RYR3: variants seen among roughly 807,000 people sequenced by gnomAD.
RYR3 encodes ryanodine receptor 3.
In RYR3, 207 loss-of-function variants were observed where a neutral mutation model predicts 584.3. The observed-to-expected ratio is 0.35, with a 90% CI of 0.32 to 0.40. RYR3 has a LOEUF of 0.40. RYR3 is among the 10% of genes least tolerant of loss of function. The pLI is 1.00. For missense variants in RYR3, 5,616 were observed against 6,089.2 expected (o/e 0.92, Z 2.59); for synonymous variants, 2,416 against 2,248.5 (o/e 1.07, Z -2.11).
At chr15:33,447,058 C>T (rs577956128) in intron 1 of RYR3, among the ~76,000 whole-genome samples, 1 of 152,234 alleles carries the variant, frequency 6.6e-6, no homozygotes, top group Non-Finnish European at 1.5e-5. Context: ...ATTAGAATGA[C>T]AGAAATGAGG....
At chr15:33,639,978 C>A (rs1595928513) in intron 27 of RYR3, among the ~76,000 whole-genome samples, 3 of 152,084 alleles carry the variant, frequency 2.0e-5, no homozygotes, top group African/African-American at 7.2e-5. Flanking sequence ...TCTGCTAGAC[C>A]TCAGAATGCG....
chr15:33,379,169 A>G (rs1255513132), intron 1 of RYR3, among the ~76,000 whole-genome samples: 4 of 152,202 alleles, frequency 2.6e-5, no homozygotes, highest in African/African-American at 9.7e-5. Flanking sequence ...AATGAGTACA[A>G]GCAGTTCTGG....
intron 2 of RYR3, among the ~76,000 whole-genome samples, chr15:33,484,730 G>C (rs1420656958): frequency 2.6e-5 from 4 of 152,156 alleles, no homozygotes; most frequent in Admixed American, 2.0e-4. Context: ...ACATATCATT[G>C]AGTGAAATAG....
intron 85 of RYR3, among the ~76,000 whole-genome samples, chr15:33,829,980 C>T (rs73372057): frequency 0.018 from 2,769 of 152,240 alleles, 84 homozygotes; most frequent in African/African-American, 0.063. Context: ...CTTTGACAAA[C>T]GAAGAGTTTC....
chr15:33,716,498 C>T (rs2067503552), intron 43 of RYR3, among the ~76,000 whole-genome samples: 1 of 152,160 alleles, frequency 6.6e-6, no homozygotes, highest in Non-Finnish European at 1.5e-5. Context: ...GTGCCTCCAT[C>T]TGTAAAAATT....
intron 60 of RYR3, among the ~76,000 whole-genome samples, chr15:33,767,174 T>G (rs1049678960): frequency 6.6e-6 from 1 of 152,160 alleles, no homozygotes; most frequent in African/African-American, 2.4e-5. Flanking sequence ...CTATGATGAC[T>G]CTCTACAGTG....
At chr15:33,349,370 G>T (rs141475764) in intron 1 of RYR3, among the ~76,000 whole-genome samples, 71 of 152,124 alleles carry the variant, frequency 4.7e-4, no homozygotes, top group African/African-American at 1.6e-3. Context: ...CTTCCAAAGT[G>T]GCTGCACCAT....
chr15:33,841,943 A>G lies in RYR3; in HGVS notation c.13117A>G (p.Lys4373Glu). Residue 4373 changes from lysine (K) to glutamate (E), a missense_variant, in exon 91 of 104, where the codon AAG (lysine) becomes GAG (glutamate). Lys to Glu is a moderately conservative substitution (Grantham distance 56). Around this residue, in one of 9 missense-constraint regions of RYR3, gnomAD observed 918 missense variants for 887.4 expected, o/e 1.03. Transcript: ENST00000634891. ...CCTGTGGACAGAAGTGACAAAAAAG[A>G]AGAAGCGGCGGTGTGGTCAGAAGGT... Reference protein sequence around the residue: ...EYLWTEVTKKKKRRCGQKVEK... With the variant: ...EYLWTEVTKKEKRRCGQKVEK... 1 of 1,601,226 alleles carries G rather than the reference A, an allele frequency of 6.2e-7. No individual in the cohort carries two copies. Among genetic ancestry groups the G allele is most frequent in the East Asian group, 2.2e-5 (1 of 44,564 alleles).
intron 16 of RYR3, among the ~76,000 whole-genome samples, chr15:33,598,012 A>G (rs1312944490): frequency 6.6e-6 from 1 of 152,028 alleles, no homozygotes; most frequent in African/African-American, 2.4e-5. Context: ...AAGGGAAACA[A>G]CTCAAGTGAA....
At chr15:33,725,898 A>G (rs998991856) in intron 45 of RYR3, among the ~76,000 whole-genome samples, 1 of 134,362 alleles carries the variant, frequency 7.4e-6, no homozygotes, top group African/African-American at 2.7e-5. Context: ...TGAACCTGGG[A>G]GGCGGAGCTT....
intron 56 of RYR3, 44 bp from the exon 57 acceptor site, chr15:33,750,119 G>A (rs996567683): frequency 1.9e-6 from 3 of 1,607,580 alleles, no homozygotes; most frequent in Non-Finnish European, 2.5e-6. Flanking sequence ...TCCCAGAAGT[G>A]CAAAGGAAGA....
intron 54 of RYR3, 60 bp from the exon 55 acceptor site, chr15:33,748,408 A>G: frequency 6.4e-7 from 1 of 1,564,148 alleles, no homozygotes; most frequent in Non-Finnish European, 8.8e-7. Context: ...GAAGTTGGGG[A>G]TGCCTGATAA....
At chr15:33,632,475 T>C (rs2061318812) in intron 23 of RYR3, among the ~76,000 whole-genome samples, 1 of 152,254 alleles carries the variant, frequency 6.6e-6, no homozygotes, top group Non-Finnish European at 1.5e-5. Flanking sequence ...ATCATTCTTT[T>C]TTTAATTCCA....
chr15:33,445,066 A>T (rs922730986), intron 1 of RYR3, among the ~76,000 whole-genome samples: 5 of 152,176 alleles, frequency 3.3e-5, no homozygotes, highest in African/African-American at 1.2e-4. Flanking sequence ...TATTTAGCAG[A>T]AGAGTGGTAT....
At position 33,660,446 on chromosome 15, in the gene RYR3, AAGGGGCAGGCCTG is replaced by A. The variant is rs1172148005; in HGVS notation, c.4622+33_4622+45del. The A allele has an allele frequency of 3.3e-6, 5 of 1,507,040 alleles. No individual in the cohort carries two copies. In the Admixed American group the frequency reaches 6.1e-5, roughly 18 times the overall value. The allele number at this position is 1,507,040 out of a possible 1,614,324, so 93.4% of individuals were successfully genotyped here. A position where few individuals can be genotyped will look rare whatever the true frequency, so the allele number is the denominator to read the frequency against. On this transcript the variant is annotated intron_variant, in intron 34 of 103. Transcript: ENST00000634891. ...CAGGTACCAGAGGGGCCCGCGAAGG[AAGGGGCAGGCCTG>A]AGGGGCAGGTGAGGCAGAGCCAAGC... is the stretch of plus-strand genomic sequence containing the variant.
At chr15:33,847,860 T>C (rs1399475741) in intron 93 of RYR3, among the ~76,000 whole-genome samples, 1 of 152,202 alleles carries the variant, frequency 6.6e-6, no homozygotes, top group Non-Finnish European at 1.5e-5. Flanking sequence ...GCCCTGTACA[T>C]TGAAGGGAGT....
chr15:33,765,862 A>G (rs1567126875), intron 60 of RYR3, among the ~76,000 whole-genome samples: 1 of 152,214 alleles, frequency 6.6e-6, no homozygotes, highest in Non-Finnish European at 1.5e-5. Context: ...GTGAAACATC[A>G]TGATGTTTTA....
chr15:33,325,716 C>A (rs1969586561), intron 1 of RYR3, among the ~76,000 whole-genome samples: 1 of 117,716 alleles, frequency 8.5e-6, no homozygotes, highest in Non-Finnish European at 1.8e-5. Context: ...TCTGCCTTCC[C>A]CCTCCCCCTC....
chr15:33,580,790 G>T (rs1287223090), intron 13 of RYR3, among the ~76,000 whole-genome samples: 2 of 152,182 alleles, frequency 1.3e-5, no homozygotes, highest in East Asian at 3.9e-4. Flanking sequence ...CTTGTCCCTT[G>T]GGCATTTCCA....
Sources: allele counts gnomAD v4.1 joint callset (sites outside exome capture counted in the v4.1 genomes callset), GRCh38; gene constraint gnomAD v4.1.1; regional missense constraint gnomAD v4.1.1; transcripts MANE v1.5; gene names NCBI Gene and HGNC (gene_info 2026-07-23, HGNC 2026-07-21).